Variants in RNF111 observed in about 807,000 individuals in gnomAD.
The protein encoded by RNF111 is ring finger protein 111.
RNF111 carries 17 observed loss-of-function variants against 95.1 expected under a neutral mutation model. That is an observed-to-expected ratio of 0.18 (90% CI 0.12 to 0.27). The LOEUF is 0.27. Ranked by LOEUF, RNF111 falls within the 10% of genes least tolerant of loss-of-function variation. The pLI is 1.00. For synonymous variants in RNF111, 440 were observed against 414.8 expected, an observed-to-expected ratio of 1.06 and a Z score of -0.74; for missense variants, 1,189 against 1,210.4, an observed-to-expected ratio of 0.98 and a Z score of 0.26.
chr15:58,996,604 A>T (rs1331607405), intron 1 of RNF111, among the ~76,000 whole-genome samples: 1 of 149,660 alleles, frequency 6.7e-6, no homozygotes, highest in African/African-American at 2.5e-5. Flanking sequence ...TTAAAAAATT[A>T]TGAAACAGAA....
At chr15:58,999,090 A>T (rs1027258468) in intron 1 of RNF111, among the ~76,000 whole-genome samples, 2 of 152,180 alleles carry the variant, frequency 1.3e-5, no homozygotes, top group Non-Finnish European at 2.9e-5. Flanking sequence ...CACTTACCTG[A>T]AAAGGTTATT....
intron 1 of RNF111, among the ~76,000 whole-genome samples, chr15:59,022,025 A>G (rs935188819): frequency 1.4e-4 from 21 of 151,700 alleles, no homozygotes; most frequent in African/African-American, 4.8e-4. Flanking sequence ...ATGCCTGGCT[A>G]ATTTTTGTAT....
At chr15:59,073,691 C>A (rs2043044549) in intron 6 of RNF111, among the ~76,000 whole-genome samples, 1 of 152,160 alleles carries the variant, frequency 6.6e-6, no homozygotes, top group Non-Finnish European at 1.5e-5. Context: ...GAATCCACTT[C>A]TTCCAAATTA....
At chr15:59,052,006 G>T (rs1224226813) in intron 2 of RNF111, among the ~76,000 whole-genome samples, 1 of 151,880 alleles carries the variant, frequency 6.6e-6, no homozygotes, top group Non-Finnish European at 1.5e-5. Context: ...GATATTACAG[G>T]ATAAATATCT....
chr15:59,032,665 C>T (rs2040972553), intron 2 of RNF111, among the ~76,000 whole-genome samples: 1 of 152,192 alleles, frequency 6.6e-6, no homozygotes, highest in African/African-American at 2.4e-5. Context: ...AGGCGATCCA[C>T]CTGCCTTGGG....
intron 1 of RNF111, among the ~76,000 whole-genome samples, chr15:58,993,826 C>T (rs2038924271): frequency 6.6e-6 from 1 of 152,028 alleles, no homozygotes; most frequent in African/African-American, 2.4e-5. Context: ...ACACGATTAG[C>T]ATCTTAGTTT....
At chr15:59,020,418 G>A (rs1213227685) in intron 1 of RNF111, among the ~76,000 whole-genome samples, 3 of 151,976 alleles carry the variant, frequency 2.0e-5, no homozygotes, top group Non-Finnish European at 2.9e-5. Flanking sequence ...TTGTAGTGCT[G>A]CCACCCTACC....
intron 8 of RNF111, among the ~76,000 whole-genome samples, chr15:59,083,324 G>C (rs1385430259): frequency 6.6e-6 from 1 of 152,084 alleles, no homozygotes. Flanking sequence ...AAGGTGGGCA[G>C]ATCACAAGGT....
chr15:58,994,152 C>G (rs1341425805), intron 1 of RNF111, among the ~76,000 whole-genome samples: 1 of 149,640 alleles, frequency 6.7e-6, no homozygotes, highest in Non-Finnish European at 1.5e-5. Flanking sequence ...ATTTTCCTGA[C>G]TCACCCTCCC....
At chr15:58,996,645 CTTTCTTTTT>C (rs1567197296) in intron 1 of RNF111, among the ~76,000 whole-genome samples, 1 of 77,960 alleles carries the variant, frequency 1.3e-5, no homozygotes. Flanking sequence ...CTCATCAGTA[CTTTCTTTTT>C]TTTTTTTTTT....
intron 2 of RNF111, among the ~76,000 whole-genome samples, chr15:59,045,672 A>G (rs1401405053): frequency 6.6e-6 from 1 of 152,168 alleles, no homozygotes; most frequent in African/African-American, 2.4e-5. Context: ...TTGATACATA[A>G]TGCTTTTAGT....
At chr15:58,995,519 C>T (rs1185180945) in intron 1 of RNF111, among the ~76,000 whole-genome samples, 1 of 150,574 alleles carries the variant, frequency 6.6e-6, no homozygotes, top group Admixed American at 6.6e-5. Context: ...AGTGCAGTGG[C>T]GCGATCTTGG....
chr15:59,091,392 A>AT (rs1191607957), intron 12 of RNF111, among the ~76,000 whole-genome samples: 1 of 152,140 alleles, frequency 6.6e-6, no homozygotes, highest in Non-Finnish European at 1.5e-5. Context: ...TCTTCTAGAT[A>AT]TTTTTTAGCA....
intron 1 of RNF111, among the ~76,000 whole-genome samples, chr15:59,019,380 C>G (rs2040223676): frequency 6.6e-6 from 1 of 151,968 alleles, no homozygotes; most frequent in African/African-American, 2.4e-5. Context: ...CCTGATATGT[C>G]TGATGGTAAT....
intron 6 of RNF111, among the ~76,000 whole-genome samples, chr15:59,073,001 GTC>G (rs1444612473): frequency 6.6e-6 from 1 of 151,986 alleles, no homozygotes; most frequent in Non-Finnish European, 1.5e-5. Context: ...GCAAGACTCT[GTC>G]TCTACAAAAA....
chr15:58,998,261 A>G (rs1393122436), intron 1 of RNF111, among the ~76,000 whole-genome samples: 1 of 149,612 alleles, frequency 6.7e-6, no homozygotes, highest in Non-Finnish European at 1.5e-5. Flanking sequence ...TTTTTTTTTA[A>G]GTTTAAGTTC....
intron 1 of RNF111, among the ~76,000 whole-genome samples, chr15:58,993,306 C>T (rs1439705070): frequency 2.0e-5 from 3 of 151,714 alleles, no homozygotes; most frequent in South Asian, 4.2e-4. Context: ...ATCAGGAGTT[C>T]GAGACCAGCC....
intron 8 of RNF111, among the ~76,000 whole-genome samples, chr15:59,083,610 A>G (rs1222870344): frequency 6.6e-6 from 1 of 151,604 alleles, no homozygotes; most frequent in Non-Finnish European, 1.5e-5. Context: ...ATGTGTTTTG[A>G]AAAAAAATGC....
intron 2 of RNF111, among the ~76,000 whole-genome samples, chr15:59,045,500 T>G (rs184880587): frequency 2.0e-5 from 3 of 152,292 alleles, no homozygotes; most frequent in Admixed American, 2.0e-4. Context: ...TAGTTTTTCC[T>G]CTTTTTAAAA....
Sources: gnomAD v4.1 joint callset for allele counts (sites outside exome capture counted in the v4.1 genomes callset) on GRCh38, gnomAD v4.1.1 for gene constraint, MANE v1.5 for transcripts, NCBI Gene and HGNC (gene_info 2026-07-23, HGNC 2026-07-21) for gene names.